The following C1orf87 variants were observed in gnomAD, a reference collection of about 807,000 sequenced individuals.
The protein encoded by C1orf87 is uncharacterized protein C1orf87.
A neutral mutation model predicts 60.5 loss-of-function variants in C1orf87; 58 were observed. That is an observed-to-expected ratio of 0.96 (90% CI 0.78 to 1.19). C1orf87 has a LOEUF of 1.19. Ranked by LOEUF, C1orf87 falls within the 50% of genes most tolerant of loss-of-function variation. C1orf87 has a pLI of 0.00. For synonymous variants in C1orf87, 236 were observed against 227.4 expected, an observed-to-expected ratio of 1.04 and a Z score of -0.34; for missense variants, 673 against 638.6, an observed-to-expected ratio of 1.05 and a Z score of -0.58.
intron 3 of C1orf87, among the ~76,000 whole-genome samples, chr1:60,041,504 G>A (rs1036263144): frequency 6.6e-6 from 1 of 152,096 alleles, no homozygotes; most frequent in African/African-American, 2.4e-5. Flanking sequence ...TTCAGGAAGG[G>A]CAGCAAAGGT....
rs1361967337 is a variant in C1orf87 at position 60,012,769 on chromosome 1, C to T, written c.1128-2313G>A. Among the ~76,000 whole-genome samples the T allele has an allele frequency of 9.2e-5, 14 of 152,186 alleles. 1 individual carries two copies. The East Asian group carries it at 2.3e-3, about 25-fold the overall frequency. ...ATTCTGAGTACTTTTTGTGCATTAT[C>T]TCATTTAATTGAGACAACCATCTTA... On this transcript the variant is annotated intron_variant, in intron 8 of 11. Transcript: ENST00000371201.
chr1:60,052,987 A>G (rs1645425353), intron 3 of C1orf87, among the ~76,000 whole-genome samples: 1 of 152,222 alleles, frequency 6.6e-6, no homozygotes, highest in South Asian at 2.1e-4. Context: ...GCCTCCCACT[A>G]GAAACCCTGT....
chr1:60,059,372 G>A (rs1645479792), intron 2 of C1orf87, among the ~76,000 whole-genome samples: 1 of 152,168 alleles, frequency 6.6e-6, no homozygotes, highest in African/African-American at 2.4e-5. Flanking sequence ...CTGCTCTGGG[G>A]GTGCCGTGAA....
chr1:60,066,571 C>T (rs530507938), intron 2 of C1orf87, among the ~76,000 whole-genome samples: 54 of 152,254 alleles, frequency 3.5e-4, no homozygotes, highest in African/African-American at 1.3e-3. Context: ...GCAGTGATTC[C>T]TCCACTGAAG....
intron 9 of C1orf87, among the ~76,000 whole-genome samples, chr1:60,004,447 G>T (rs535044608): frequency 2.0e-5 from 3 of 151,850 alleles, no homozygotes; most frequent in Non-Finnish European, 2.9e-5. Flanking sequence ...GACATTTTTT[G>T]GGACACTGTT....
At chr1:60,072,198 C>A (rs536019298) in intron 2 of C1orf87, among the ~76,000 whole-genome samples, 5 of 152,252 alleles carry the variant, frequency 3.3e-5, no homozygotes, top group African/African-American at 1.2e-4. Context: ...AAACCTCCCC[C>A]ACTCTCCCCA....
intron 10 of C1orf87, among the ~76,000 whole-genome samples, chr1:60,000,436 A>G (rs1644993944): frequency 6.6e-6 from 1 of 152,096 alleles, no homozygotes; most frequent in Non-Finnish European, 1.5e-5. Context: ...TATTTTCTAA[A>G]ATATTTCAAC....
chr1:60,038,068 C>G lies in C1orf87; in HGVS notation c.787G>C (p.Ala263Pro), dbSNP rs1189919001. ...TTATTTTGCTGTGGATAATCTGATG[C>G]TGCACTGTTTAAAAACCAGAGTAGC... ...EKLLWFLNSA[A>P]SDYPQQNKAA... The change falls in exon 6 of 12, where the codon GCA becomes CCA. Residue 263 changes from alanine (A) to proline (P), a missense_variant. Ala to Pro is a conservative substitution (Grantham distance 27). Coordinates refer to ENST00000371201, the MANE Select transcript of C1orf87 (RefSeq NM_152377.3). The G allele has an allele frequency of 1.9e-6, 3 of 1,597,102 alleles. No individual in the cohort carries two copies. Among genetic ancestry groups the G allele is most frequent in the African/African-American group, 1.3e-5 (1 of 74,712 alleles).
intron 11 of C1orf87, among the ~76,000 whole-genome samples, chr1:59,991,766 C>G (rs1292034211): frequency 6.6e-6 from 1 of 152,108 alleles, no homozygotes; most frequent in African/African-American, 2.4e-5. Flanking sequence ...TATGCCAATA[C>G]CAATGTCAGT....
At chr1:60,003,852 G>A (rs1458218943) in intron 9 of C1orf87, among the ~76,000 whole-genome samples, 1 of 151,990 alleles carries the variant, frequency 6.6e-6, no homozygotes, top group East Asian at 1.9e-4. Flanking sequence ...CCTGGGAGAG[G>A]AGTAATTTTT....
Position 59,990,444 on chromosome 1 carries a change from G to T in C1orf87, c.*229C>A, listed in dbSNP as rs1207097991. On this transcript the variant is annotated 3_prime_UTR_variant, in exon 12 of 12. Coordinates refer to ENST00000371201, the MANE Select transcript of C1orf87 (RefSeq NM_152377.3). ...AACAGAAGGAGATTCTAAGTAGCTG[G>T]GTTCTTGCCACATCAAAAGATAAAA... 5.9e-6 allele frequency: 2 copies of T among 340,170 alleles called. No individual in the cohort carries two copies. The highest frequency in any genetic ancestry group is 1.1e-4 in the South Asian group (1 of 8,954). The allele number at this position is 340,170 out of a possible 1,614,324, so 21.1% of individuals were successfully genotyped here.
intron 3 of C1orf87, 39 bp from the exon 4 acceptor site, chr1:60,041,170 G>C (rs1302032546): frequency 7.5e-6 from 11 of 1,469,670 alleles, no homozygotes; most frequent in Non-Finnish European, 1.0e-5. Flanking sequence ...AGGAGCAGAA[G>C]AGGAGGTAGG....
intron 6 of C1orf87, among the ~76,000 whole-genome samples, chr1:60,036,173 C>T (rs1645274736): frequency 6.6e-6 from 1 of 152,036 alleles, no homozygotes; most frequent in African/African-American, 2.4e-5. Context: ...TTTCTTTGGA[C>T]CATGAGCCCT....
chr1:60,063,992 C>A (rs903521714), intron 2 of C1orf87, among the ~76,000 whole-genome samples: 5 of 151,940 alleles, frequency 3.3e-5, no homozygotes, highest in Non-Finnish European at 7.4e-5. Context: ...CACCCTCAAT[C>A]TGGGTGGCAC....
chr1:60,029,634 C>A (rs1026846600), intron 7 of C1orf87, among the ~76,000 whole-genome samples: 2 of 105,554 alleles, frequency 1.9e-5, no homozygotes, highest in African/African-American at 3.6e-5. Flanking sequence ...CCTGTCCCCC[C>A]AAGTTTTTTT....
intron 11 of C1orf87, among the ~76,000 whole-genome samples, chr1:59,997,239 TAGG>T (rs1196777235): frequency 5.3e-5 from 8 of 152,118 alleles, no homozygotes; most frequent in Non-Finnish European, 8.8e-5. Flanking sequence ...ATATCAATAG[TAGG>T]AGAAGAGATT....
intron 6 of C1orf87, among the ~76,000 whole-genome samples, chr1:60,037,660 T>C (rs953617235): frequency 2.0e-5 from 3 of 152,222 alleles, no homozygotes; most frequent in Non-Finnish European, 4.4e-5. Flanking sequence ...AGGGCTGTTG[T>C]TGCATTAGGG....
chr1:60,025,449 A>T lies in C1orf87; in HGVS notation c.1079T>A (p.Leu360Gln). Reference sequence around the variant, plus strand: ...ATCTTGATGGTTAAGCAATGTTTCCAGCAGGCTCAGGGTCAGATATAATCC... The same window carrying T: ...ATCTTGATGGTTAAGCAATGTTTCCTGCAGGCTCAGGGTCAGATATAATCC... ...KHGLYLTLSL[L>Q]ETLLNHQDLG... The change falls in exon 8 of 12, where the codon CTG (leucine) becomes CAG (glutamine). Residue 360 changes from leucine to glutamine, a missense_variant. Physicochemically the swap from Leu to Gln is moderately radical, Grantham distance 113 (BLOSUM62 -2). Transcript: ENST00000371201. 1.2e-6 allele frequency: 2 copies of T among 1,613,574 alleles called. No homozygotes were observed. The highest frequency in any genetic ancestry group is 1.7e-6 in the Non-Finnish European group (2 of 1,179,680).
At chr1:60,049,662 TCCC>T (rs1350847016) in intron 3 of C1orf87, among the ~76,000 whole-genome samples, 5 of 152,220 alleles carry the variant, frequency 3.3e-5, no homozygotes, top group African/African-American at 1.2e-4. Flanking sequence ...TAAGAAAGTT[TCCC>T]CTTATCCCAG....
Sources: allele counts gnomAD v4.1 joint callset (sites outside exome capture counted in the v4.1 genomes callset), GRCh38; gene constraint gnomAD v4.1.1; transcripts MANE v1.5; gene names NCBI Gene and HGNC (gene_info 2026-07-23, HGNC 2026-07-21).